EDARADD: variants seen among roughly 807,000 people sequenced by gnomAD.
EDARADD encodes the protein EDAR associated via death domain.
A neutral mutation model predicts 25.6 loss-of-function variants in EDARADD; 20 were observed. That is an observed-to-expected ratio of 0.78 (90% CI 0.55 to 1.14). The LOEUF (loss-of-function observed/expected upper bound fraction) is 1.14, where lower values mean the gene tolerates loss of function less well. EDARADD is among the 50% of genes most tolerant of loss of function. The probability of loss-of-function intolerance (pLI) is 0.00; values close to 1 mark genes in which losing one functional copy is unlikely to be tolerated. For missense variants in EDARADD, 225 were observed against 270.1 expected (o/e 0.83, Z 1.17); for synonymous variants, 86 against 94.4 (o/e 0.91, Z 0.52).
At chr1:236,451,289 C>T (rs607688) in intron 4 of EDARADD, among the ~76,000 whole-genome samples, 132,344 of 151,934 alleles carry the variant, frequency 0.87, 59,100 homozygotes, top group Non-Finnish European at 0.96. Context: ...GCTTTCTCCT[C>T]GGTAAAATGG....
intron 3 of EDARADD, among the ~76,000 whole-genome samples, chr1:236,371,787 G>T (rs917855935): frequency 6.6e-6 from 1 of 151,928 alleles, no homozygotes; most frequent in Non-Finnish European, 1.5e-5. Context: ...GAGCAGGCTG[G>T]TCTCGAACTC....
At position 236,420,966 on chromosome 1, in the gene EDARADD, T is replaced by G. The variant is rs913141033; in HGVS notation, c.161-6426T>G. Among the ~76,000 whole-genome samples the G allele has an allele frequency of 2.3e-4, 34 of 147,340 alleles. 5 individuals carry two copies. Among genetic ancestry groups the G allele is most frequent in the African/African-American group, 7.9e-4 (32 of 40,322 alleles). ...CCAGGCTGGTCTCGAAGTCCTGACC[T>G]CAGGTGATCCACCTGTCTCGGCCTC... is the stretch of plus-strand genomic sequence containing the variant. On this transcript the variant is annotated intron_variant, in intron 3 of 5. Transcript: ENST00000334232.
At chr1:236,359,610 G>T (rs1267902576) in intron 3 of EDARADD, among the ~76,000 whole-genome samples, 15 of 152,210 alleles carry the variant, frequency 9.9e-5, no homozygotes, top group Admixed American at 7.9e-4. Flanking sequence ...GTTCCCAGTG[G>T]CTGGGGAAGC....
Position 236,466,639 on chromosome 1 carries a change from G to GAAAAC in EDARADD, c.220-1577_220-1573dup, listed in dbSNP as rs371479838. On this transcript the variant is annotated intron_variant, in intron 4 of 5. Transcript: ENST00000334232. ...GTAACACATGGGAATGTGCCTGTGT[G>GAAAAC]AAAACAAAACAAAACAAAAAATCTA... Among the ~76,000 whole-genome samples the GAAAAC allele has an allele frequency of 3.8e-4, 58 of 152,286 alleles. 1 individual carries two copies. The South Asian group carries it at 0.01, about 27-fold the overall frequency.
intron 4 of EDARADD, among the ~76,000 whole-genome samples, chr1:236,460,749 G>A (rs1423358929): frequency 6.6e-6 from 1 of 152,092 alleles, no homozygotes; most frequent in Non-Finnish European, 1.5e-5. Flanking sequence ...TACCAGCTTT[G>A]TCTTGGGAAT....
intron 3 of EDARADD, among the ~76,000 whole-genome samples, chr1:236,419,739 G>T (rs1488202715): frequency 6.6e-6 from 1 of 152,130 alleles, no homozygotes; most frequent in African/African-American, 2.4e-5. Flanking sequence ...ACAGCCTCAG[G>T]CAAAGACCAC....
chr1:236,438,941 A>ATGTCAT (rs779196404), intron 4 of EDARADD, among the ~76,000 whole-genome samples: 92 of 152,306 alleles, frequency 6.0e-4, no homozygotes, highest in Non-Finnish European at 1.2e-3. Context: ...ACATGTATCC[A>ATGTCAT]CCATTCTAGT....
chr1:236,415,194 G>A (rs1182303703), intron 3 of EDARADD, among the ~76,000 whole-genome samples: 1 of 152,200 alleles, frequency 6.6e-6, no homozygotes, highest in African/African-American at 2.4e-5. Flanking sequence ...GAGGATGGAG[G>A]ACATTGGCCA....
intron 3 of EDARADD, among the ~76,000 whole-genome samples, chr1:236,387,340 C>T (rs1409197468): frequency 4.5e-5 from 1 of 22,262 alleles, no homozygotes; most frequent in African/African-American, 1.5e-4. Context: ...GTCAGCCCCC[C>T]GCCCGGCCAG....
intron 1 of EDARADD, among the ~76,000 whole-genome samples, chr1:236,405,822 T>TTTCCTTCCTTCCTTCC (rs780077696): frequency 1.2e-3 from 64 of 55,452 alleles, no homozygotes; most frequent in East Asian, 2.4e-3. Context: ...CCTTCCTTCC[T>TTTCCTTCCTTCCTTCC]TTCCTTCCTT....
intron 5 of EDARADD, among the ~76,000 whole-genome samples, chr1:236,476,308 A>T (rs1659502946): frequency 6.6e-6 from 1 of 152,206 alleles, no homozygotes; most frequent in East Asian, 1.9e-4. Flanking sequence ...TACAAAGATA[A>T]GACAAGAAAG....
rs1667507719 is a variant in EDARADD at position 236,395,885 on chromosome 1, C to G, written c.61+1380C>G. On this transcript the variant is annotated intron_variant, in intron 1 of 5. Coordinates refer to ENST00000334232, the MANE Select transcript of EDARADD (RefSeq NM_145861.4). The surrounding 1 kb of genome is among the most constrained non-coding windows in gnomAD (Gnocchi z 6.9). ...CGCCCCTCCCGCGCTCGCCAGGGCC[C>G]CTGCCCCGCGTCAGCCACCGCGCGC... Among the ~76,000 whole-genome samples, 1 of 152,162 alleles carries G rather than the reference C, an allele frequency of 6.6e-6. No homozygotes were observed. Among genetic ancestry groups the G allele is most frequent in the Non-Finnish European group, 1.5e-5 (1 of 68,030 alleles).
At chr1:236,359,456 G>C (rs1433971258) in intron 3 of EDARADD, among the ~76,000 whole-genome samples, 2 of 152,324 alleles carry the variant, frequency 1.3e-5, no homozygotes, top group East Asian at 3.9e-4. Context: ...CTTGGGAGCA[G>C]AGATCTGATC....
chr1:236,376,602 C>CT (rs1438482997), intron 3 of EDARADD, among the ~76,000 whole-genome samples: 8 of 152,028 alleles, frequency 5.3e-5, no homozygotes, highest in Admixed American at 5.2e-4. Context: ...ACTTTTTTCT[C>CT]TGTATTTGAT....
Position 236,394,522 on chromosome 1 carries a change from T to G in EDARADD, c.61+17T>G, listed in dbSNP as rs766361296. On this transcript the variant is annotated intron_variant, in intron 1 of 5. Transcript: ENST00000334232. The stretch of plus-strand genomic sequence containing the variant: ...ACCAAGAGGGTATGTAGGCATTTGC[T>G]GTCTTCCTGGATTTCTCAGAGCTGA... 6.2e-7 allele frequency: 1 copy of G among 1,610,820 alleles called. No homozygotes were observed. The highest frequency in any genetic ancestry group is 8.5e-7 in the Non-Finnish European group (1 of 1,178,860).
chr1:236,370,062 T>A (rs968132874), intron 3 of EDARADD, among the ~76,000 whole-genome samples: 37 of 152,070 alleles, frequency 2.4e-4, no homozygotes, highest in African/African-American at 7.5e-4. Context: ...TATTTCTTTC[T>A]AAGAAACATG....
At chr1:236,405,906 T>C (rs1304280117) in intron 1 of EDARADD, among the ~76,000 whole-genome samples, 1 of 51,128 alleles carries the variant, frequency 2.0e-5, no homozygotes, top group African/African-American at 5.8e-5. Context: ...TCTTTCTTTC[T>C]TTCTTTCTTT....
chr1:236,464,255 T>A (rs1487586751), intron 4 of EDARADD, among the ~76,000 whole-genome samples: 1 of 149,390 alleles, frequency 6.7e-6, no homozygotes, highest in Non-Finnish European at 1.5e-5. Context: ...CAAGTATTAT[T>A]TTTTTTTTTT....
rs201282025 is a variant in EDARADD at position 236,396,974 on chromosome 1, T to TG, written c.61+2475dup. 3.3e-5 allele frequency among the ~76,000 whole-genome samples: 3 copies of TG among 90,410 alleles called. No individual in the cohort carries two copies. In the East Asian group the frequency reaches 1.2e-3, roughly 37 times the overall value. The allele number at this position is 90,410 out of a possible 152,430, so 59.3% of individuals were successfully genotyped here. ...TCTCATTAAATGATGATTGCAGGGG[T>TG]GGGGGGTGGGGGAATTCAAAAAGAT... On this transcript the variant is annotated intron_variant, in intron 1 of 5. Transcript: ENST00000334232.
Sources: allele counts gnomAD v4.1 joint callset (sites outside exome capture counted in the v4.1 genomes callset), GRCh38; gene constraint gnomAD v4.1.1; non-coding constraint Gnocchi (gnomAD v3.1); transcripts MANE v1.5; gene names NCBI Gene and HGNC (gene_info 2026-07-23, HGNC 2026-07-21).